ELP4: variants seen among roughly 807,000 people sequenced by gnomAD.
The protein encoded by ELP4 is elongator complex protein 4.
In ELP4, 51 loss-of-function variants were observed where a neutral mutation model predicts 48.9. That is an observed-to-expected ratio of 1.04 (90% CI 0.83 to 1.32). The LOEUF is 1.32. Among genes scored for constraint, ELP4 ranks in the 40% most tolerant of loss-of-function variants. ELP4 has a pLI of 0.00. For synonymous variants in ELP4, 210 were observed against 189.2 expected (o/e 1.11, Z -0.90); for missense variants, 519 against 514.6 (o/e 1.01, Z -0.08).
At chr11:31,677,133 G>T (rs1945942015) in intron 9 of ELP4, among the ~76,000 whole-genome samples, 1 of 152,168 alleles carries the variant, frequency 6.6e-6, no homozygotes, top group Non-Finnish European at 1.5e-5. Context: ...TGAGAACAAA[G>T]TCCGACTTCA....
intron 9 of ELP4, among the ~76,000 whole-genome samples, chr11:31,667,039 T>A (rs1241980172): frequency 6.6e-6 from 1 of 152,164 alleles, no homozygotes; most frequent in Non-Finnish European, 1.5e-5. Flanking sequence ...AAAGGAAAGA[T>A]TGAGGTTATT....
intron 9 of ELP4, among the ~76,000 whole-genome samples, chr11:31,655,674 C>T (rs1054451808): frequency 6.6e-6 from 1 of 151,914 alleles, no homozygotes; most frequent in African/African-American, 2.4e-5. Context: ...CACAATCATG[C>T]GGTATTAAAG....
rs1215564653 is a variant in ELP4 at position 31,785,044 on chromosome 11, C to A, written c.*1520C>A. 5.5e-6 allele frequency: 1 copy of A among 180,508 alleles called. No individual in the cohort carries two copies. Among genetic ancestry groups the A allele is most frequent in the East Asian group, 9.1e-5 (1 of 10,996 alleles). 11.2% of individuals were successfully genotyped at this position (180,508 alleles called of 1,614,324 possible). On this transcript the variant is annotated 3_prime_UTR_variant, in exon 10 of 10. Transcript: ENST00000640961. ...AAAGACACAGATTCTTCCCCATTTT[C>A]TTTTCAAAATAAAGTTTCAGAATTG...
intron 9 of ELP4, among the ~76,000 whole-genome samples, chr11:31,692,367 A>C (rs1412643813): frequency 6.6e-6 from 1 of 152,208 alleles, no homozygotes. Context: ...GCTATGATCT[A>C]GAATCTAAAA....
chr11:31,742,447 G>T (rs1419642860), intron 9 of ELP4, among the ~76,000 whole-genome samples: 1 of 152,128 alleles, frequency 6.6e-6, no homozygotes, highest in Non-Finnish European at 1.5e-5. Context: ...ACACATAATT[G>T]TCAGATTCAT....
intron 5 of ELP4, among the ~76,000 whole-genome samples, chr11:31,622,645 T>C (rs1944648517): frequency 6.6e-6 from 1 of 151,682 alleles, no homozygotes; most frequent in South Asian, 2.1e-4. Flanking sequence ...GAATTAAAAT[T>C]ATCTGATGCA....
At chr11:31,736,449 T>A (rs954033664) in intron 9 of ELP4, among the ~76,000 whole-genome samples, 2 of 152,044 alleles carry the variant, frequency 1.3e-5, no homozygotes, top group Non-Finnish European at 2.9e-5. Flanking sequence ...CCAAAAGCAA[T>A]GGCAACAAAA....
chr11:31,655,727 T>C (rs1945419220), intron 9 of ELP4, among the ~76,000 whole-genome samples: 2 of 152,042 alleles, frequency 1.3e-5, no homozygotes, highest in African/African-American at 4.8e-5. Context: ...TTTTTGATGA[T>C]TGACCAAAGA....
chr11:31,662,531 C>T (rs1281967584), intron 9 of ELP4: 3 of 397,576 alleles, frequency 7.5e-6, no homozygotes, highest in African/African-American at 4.1e-5. Flanking sequence ...CACAGTGCAT[C>T]ACTAAGTTGA....
In ELP4 at chr11:31,626,367, T is replaced by A. The variant is rs1335296112; in HGVS notation, c.654-743T>A. ...TATGCTCATGACATTATCATGACAT[T>A]AATGTTCAGTCATAGCACACAGATT... On this transcript the variant is annotated intron_variant, in intron 5 of 9. Coordinates refer to ENST00000640961, the MANE Select transcript of ELP4 (RefSeq NM_019040.5). 2.6e-5 allele frequency among the ~76,000 whole-genome samples: 4 copies of A among 151,854 alleles called. No homozygotes were observed. The Admixed American group carries it at 2.6e-4, about 10-fold the overall frequency.
intron 9 of ELP4, among the ~76,000 whole-genome samples, chr11:31,717,455 T>C (rs1345068238): frequency 6.6e-6 from 1 of 152,044 alleles, no homozygotes; most frequent in East Asian, 1.9e-4. Context: ...TGCAGATAGA[T>C]GGTTATATAA....
intron 3 of ELP4, among the ~76,000 whole-genome samples, chr11:31,546,205 T>A (rs1474307213): frequency 6.6e-6 from 1 of 151,594 alleles, no homozygotes; most frequent in Non-Finnish European, 1.5e-5. Context: ...GGATAAAGAG[T>A]CAAGACCCAT....
At chr11:31,605,320 C>G (rs1957853642) in intron 5 of ELP4, among the ~76,000 whole-genome samples, 1 of 152,062 alleles carries the variant, frequency 6.6e-6, no homozygotes, top group South Asian at 2.1e-4. Flanking sequence ...GCCTTACTAG[C>G]TCACTAAATT....
intron 9 of ELP4, among the ~76,000 whole-genome samples, chr11:31,675,837 C>T (rs1009104655): frequency 6.6e-6 from 1 of 152,086 alleles, no homozygotes; most frequent in Non-Finnish European, 1.5e-5. Context: ...ATCCTGTTGG[C>T]TTTGCTTTAA....
intron 2 of ELP4, among the ~76,000 whole-genome samples, chr11:31,523,025 TTTTTTATTTATTAA>T (rs1012604599): frequency 1.4e-5 from 2 of 148,064 alleles, no homozygotes; most frequent in Non-Finnish European, 3.0e-5. Flanking sequence ...GCCCTGCTAA[TTTTTTATTTATTAA>T]TTTTTTTTTT....
At chr11:31,545,052 A>G (rs905665048) in intron 3 of ELP4, among the ~76,000 whole-genome samples, 1 of 152,172 alleles carries the variant, frequency 6.6e-6, no homozygotes, top group African/African-American at 2.4e-5. Flanking sequence ...AAAGATGGGA[A>G]AAAAACAGAG....
intron 9 of ELP4, among the ~76,000 whole-genome samples, chr11:31,746,898 A>T (rs1461747075): frequency 6.7e-6 from 1 of 149,774 alleles, no homozygotes; most frequent in Non-Finnish European, 1.5e-5. Flanking sequence ...TAATAATAAT[A>T]ATTTTTTTAA....
At chr11:31,739,117 G>C (rs986742182) in intron 9 of ELP4, among the ~76,000 whole-genome samples, 1 of 151,946 alleles carries the variant, frequency 6.6e-6, no homozygotes, top group Non-Finnish European at 1.5e-5. Context: ...TAGCTATTTT[G>C]ATCTCATACA....
At chr11:31,747,637 G>A (rs563718297) in intron 9 of ELP4, among the ~76,000 whole-genome samples, 4 of 152,292 alleles carry the variant, frequency 2.6e-5, no homozygotes, top group African/African-American at 7.2e-5. Context: ...CCAAAACTGA[G>A]ATACATTGAA....
Sources: gnomAD v4.1 joint callset for allele counts (sites outside exome capture counted in the v4.1 genomes callset) on GRCh38, gnomAD v4.1.1 for gene constraint, MANE v1.5 for transcripts, NCBI Gene and HGNC (gene_info 2026-07-23, HGNC 2026-07-21) for gene names.